NKAIN2: variants seen among roughly 807,000 people sequenced by gnomAD.
NKAIN2 encodes sodium/potassium-transporting ATPase subunit beta-1-interacting protein 2.
NKAIN2 carries 14 observed loss-of-function variants against 32.6 expected under a neutral mutation model. The ratio of observed to expected loss-of-function variants is 0.43; its 90% CI spans 0.28 to 0.67. NKAIN2 has a LOEUF of 0.67. NKAIN2 is among the 30% of genes least tolerant of loss of function. The probability of loss-of-function intolerance (pLI) is 0.17; values close to 1 mark genes in which losing one functional copy is unlikely to be tolerated. For missense variants in NKAIN2, 198 were observed against 258.3 expected (o/e 0.77, Z 1.60); for synonymous variants, 80 against 87.2 (o/e 0.92, Z 0.46).
intron 1 of NKAIN2, among the ~76,000 whole-genome samples, chr6:124,105,473 G>A (rs1238096966): frequency 6.6e-6 from 1 of 152,162 alleles, no homozygotes; most frequent in Non-Finnish European, 1.5e-5. Flanking sequence ...CATTGTGTCT[G>A]GGAGAGAATG....
chr6:123,959,373 G>A (rs1306908811), intron 1 of NKAIN2, among the ~76,000 whole-genome samples: 3 of 152,086 alleles, frequency 2.0e-5, no homozygotes, highest in African/African-American at 7.2e-5. Context: ...GCATTGTGGC[G>A]GCCTACTCTG....
chr6:124,787,922 A>G (rs766813442), intron 4 of NKAIN2, among the ~76,000 whole-genome samples: 4 of 151,994 alleles, frequency 2.6e-5, no homozygotes, highest in Non-Finnish European at 5.9e-5. Context: ...CTCACTCTGG[A>G]AAAGCAAATT....
At chr6:124,703,234 G>A (rs1267498228) in intron 4 of NKAIN2, among the ~76,000 whole-genome samples, 1 of 151,768 alleles carries the variant, frequency 6.6e-6, no homozygotes, top group East Asian at 1.9e-4. Context: ...ATTTTCAAAA[G>A]TAGGTATGAT....
intron 5 of NKAIN2, among the ~76,000 whole-genome samples, chr6:124,816,009 G>A (rs185279926): frequency 6.6e-6 from 1 of 152,180 alleles, no homozygotes; most frequent in East Asian, 1.9e-4. Flanking sequence ...TTAAACCCTG[G>A]TCCTTCTAAT....
chr6:124,465,618 TTAAAG>T (rs989291204), intron 3 of NKAIN2, among the ~76,000 whole-genome samples: 31 of 125,424 alleles, frequency 2.5e-4, no homozygotes, highest in African/African-American at 8.4e-4. Flanking sequence ...ATCCCAGGAC[TTAAAG>T]TAAAGTTAAA....
At chr6:124,751,171 G>A (rs866593364) in intron 4 of NKAIN2, among the ~76,000 whole-genome samples, 5 of 151,970 alleles carry the variant, frequency 3.3e-5, no homozygotes, top group African/African-American at 9.7e-5. Flanking sequence ...ACCTAATGAC[G>A]TTAGGCTCCT....
intron 3 of NKAIN2, among the ~76,000 whole-genome samples, chr6:124,614,166 G>C (rs13196550): frequency 0.075 from 11,387 of 152,200 alleles, 461 homozygotes; most frequent in Non-Finnish European, 0.09. Flanking sequence ...GGCCAAGAAG[G>C]GTGGATAACT....
Position 124,092,418 on chromosome 6 carries a change from G to T in NKAIN2, c.55-190587G>T, listed in dbSNP as rs553864430. 2.6e-4 allele frequency among the ~76,000 whole-genome samples: 40 copies of T among 152,118 alleles called. No homozygotes were observed. In the East Asian group the frequency reaches 7.4e-3, roughly 28 times the overall value. On this transcript the variant is annotated intron_variant, in intron 1 of 6. Coordinates refer to ENST00000368417, the MANE Select transcript of NKAIN2 (RefSeq NM_001040214.3). The stretch of plus-strand genomic sequence containing the variant: ...CAATTTTCTATAAAAGTATTTTAGT[G>T]ATTCTTATGATTTCCCATCTTTTAT...
chr6:124,608,603 C>G (rs1306899156), intron 3 of NKAIN2, among the ~76,000 whole-genome samples: 4 of 152,174 alleles, frequency 2.6e-5, no homozygotes, highest in Non-Finnish European at 2.9e-5. Flanking sequence ...AGCCAAATCT[C>G]TATCTTGTCA....
chr6:124,022,683 T>A (rs1259401099), intron 1 of NKAIN2, among the ~76,000 whole-genome samples: 1 of 152,158 alleles, frequency 6.6e-6, no homozygotes, highest in Admixed American at 6.5e-5. Flanking sequence ...AAAGCCAAAT[T>A]CAGTCAGCTC....
At chr6:124,388,813 A>G (rs1379762656) in intron 3 of NKAIN2, among the ~76,000 whole-genome samples, 1 of 152,028 alleles carries the variant, frequency 6.6e-6, no homozygotes, top group Non-Finnish European at 1.5e-5. Flanking sequence ...TATGCCTTGT[A>G]TAGTCTATTT....
At chr6:124,583,173 T>G (rs895408209) in intron 3 of NKAIN2, among the ~76,000 whole-genome samples, 8 of 150,956 alleles carry the variant, frequency 5.3e-5, no homozygotes, top group Non-Finnish European at 8.9e-5. Flanking sequence ...AGAAGTCAAG[T>G]TATCTTTGTT....
At chr6:124,502,830 G>T (rs1778345312) in intron 3 of NKAIN2, among the ~76,000 whole-genome samples, 1 of 152,096 alleles carries the variant, frequency 6.6e-6, no homozygotes, top group South Asian at 2.1e-4. Context: ...ACAGCAATCT[G>T]TCTATTCATG....
At chr6:124,561,235 C>T (rs566841012) in intron 3 of NKAIN2, among the ~76,000 whole-genome samples, 13 of 152,284 alleles carry the variant, frequency 8.5e-5, no homozygotes, top group East Asian at 7.7e-4. Flanking sequence ...AAATCTGTAG[C>T]TAAAATAATC....
At chr6:124,456,044 A>G (rs1583280073) in intron 3 of NKAIN2, among the ~76,000 whole-genome samples, 1 of 150,846 alleles carries the variant, frequency 6.6e-6, no homozygotes, top group Admixed American at 6.6e-5. Context: ...TGTAAGTGAC[A>G]TTTTTTTTTC....
intron 3 of NKAIN2, among the ~76,000 whole-genome samples, chr6:124,542,739 C>G (rs1259131056): frequency 6.6e-6 from 1 of 152,078 alleles, no homozygotes; most frequent in Non-Finnish European, 1.5e-5. Context: ...CATATAGCAC[C>G]TGTTGGCTTC....
chr6:124,584,626 C>G (rs1441758872), intron 3 of NKAIN2, among the ~76,000 whole-genome samples: 2 of 145,518 alleles, frequency 1.4e-5, no homozygotes, highest in Non-Finnish European at 3.0e-5. Context: ...GCACTCCAGC[C>G]TGGGCAACAA....
intron 1 of NKAIN2, among the ~76,000 whole-genome samples, chr6:123,975,187 C>T (rs1778503141): frequency 6.6e-6 from 1 of 151,988 alleles, no homozygotes; most frequent in Non-Finnish European, 1.5e-5. Flanking sequence ...AATAAAATAA[C>T]CCACTACTAA....
At chr6:124,587,305 ATGCAACCTCC>A (rs1415205240) in intron 3 of NKAIN2, among the ~76,000 whole-genome samples, 1 of 151,780 alleles carries the variant, frequency 6.6e-6, no homozygotes, top group Non-Finnish European at 1.5e-5. Context: ...TCTCGGCTCA[ATGCAACCTCC>A]GCCTCCTGGG....
Sources: allele counts gnomAD v4.1 joint callset (sites outside exome capture counted in the v4.1 genomes callset), GRCh38; gene constraint gnomAD v4.1.1; transcripts MANE v1.5; gene names NCBI Gene and HGNC (gene_info 2026-07-23, HGNC 2026-07-21).